Variants in MTA2 observed in about 807,000 individuals in gnomAD.
MTA2 encodes metastasis-associated protein MTA2.
MTA2 carries 22 observed loss-of-function variants against 87.1 expected under a neutral mutation model. The observed-to-expected ratio is 0.25, with a 90% confidence interval of 0.18 to 0.36. MTA2 has a LOEUF of 0.36. Among genes scored for constraint, MTA2 ranks in the 10% least tolerant of loss-of-function variants. The probability of loss-of-function intolerance (pLI) is 1.00; values close to 1 mark genes in which losing one functional copy is unlikely to be tolerated. For synonymous variants in MTA2, 314 were observed against 310.1 expected, an observed-to-expected ratio of 1.01 and a Z score of -0.13; for missense variants, 542 against 853.2, an observed-to-expected ratio of 0.64 and a Z score of 4.54.
At chr11:62,597,284 G>T in intron 8 of MTA2, 32 bp downstream of exon 8, 1 of 1,527,492 alleles carries the variant, frequency 6.5e-7, no homozygotes, top group African/African-American at 1.4e-5. Context: ...AGAAAACCCA[G>T]CCTGCCCAAC....
chr11:62,596,227 G>A (rs913427536), intron 11 of MTA2, 52 bp downstream of exon 11: 2 of 1,605,428 alleles, frequency 1.2e-6, no homozygotes, highest in Non-Finnish European at 1.7e-6. Context: ...GAAGGCACAA[G>A]TTAGGGGAAG....
In MTA2 at chr11:62,597,421, G is replaced by A. The variant is rs1400528411; in HGVS notation, c.594-6C>T. On this transcript the variant is annotated splice_region_variant and splice_polypyrimidine_tract_variant and intron_variant, in intron 7 of 17. Transcript: ENST00000278823. Reference sequence around the variant, plus strand: ...TTGCAAAGGTTCCCACAGCTCTAAGGGAGAAATTGAGAAGTCAAAAGCGAA... The same window carrying A: ...TTGCAAAGGTTCCCACAGCTCTAAGAGAGAAATTGAGAAGTCAAAAGCGAA... The A allele has an allele frequency of 6.2e-7, 1 of 1,606,566 alleles. No individual in the cohort carries two copies. Among genetic ancestry groups the A allele is most frequent in the East Asian group, 2.2e-5 (1 of 44,862 alleles).
intron 9 of MTA2, 39 bp from the exon 10 acceptor site, chr11:62,596,571 G>C (rs1362410875): frequency 1.9e-6 from 3 of 1,613,150 alleles, no homozygotes; most frequent in Admixed American, 1.7e-5. Context: ...GCTGGCATCT[G>C]GCCCCAGGTC....
chr11:62,594,170 T>C, intron 17 of MTA2, 89 bp downstream of exon 17: 1 of 1,575,594 alleles, frequency 6.3e-7, no homozygotes, highest in Non-Finnish European at 8.6e-7. Context: ...ATCCACAACT[T>C]TCCTGGAGCT....
chr11:62,599,852 A>G (rs528082935), intron 3 of MTA2, among the ~76,000 whole-genome samples: 21 of 152,232 alleles, frequency 1.4e-4, no homozygotes, highest in African/African-American at 4.8e-4. Flanking sequence ...GTCATCACCT[A>G]CTGTCTCAAT....
At chr11:62,601,259 G>C in intron 1 of MTA2, 164 bp downstream of exon 1, 1 of 888,650 alleles carries the variant, frequency 1.1e-6, no homozygotes, top group East Asian at 3.0e-5. Flanking sequence ...CCGCGTCGCG[G>C]TTCCCCGCAC....
Position 62,595,829 on chromosome 11 carries a change from A to G in MTA2, c.1177T>C (p.Ser393Pro). ...TACTTCTTCCAGTAGATCCAACAGG[A>G]AGCACAGAGGCGGCACTGCATGTTA... Reference protein sequence around the residue: ...PPNMQCRLCASCWIYWKKYGG... With the variant: ...PPNMQCRLCAPCWIYWKKYGG... The change falls in exon 13 of 18, where the codon TCC (serine) becomes CCC (proline). Residue 393 changes from serine to proline, a missense_variant. By Grantham distance (74) the Ser-to-Pro change is moderately conservative. Coordinates refer to ENST00000278823, the MANE Select transcript of MTA2 (RefSeq NM_004739.4). The surrounding 1 kb of genome is among the most constrained non-coding windows in gnomAD (Gnocchi z 4.9). 6.2e-7 allele frequency: 1 copy of G among 1,614,226 alleles called. No homozygotes were observed. The highest frequency in any genetic ancestry group is 8.5e-7 in the Non-Finnish European group (1 of 1,180,042).
rs749563057 is a variant in MTA2, at chr11:62,597,602, C to CCCCT, written c.593+4_593+7dup. 7.5e-5 allele frequency: 121 copies of CCCCT among 1,613,530 alleles called. 1 individual carries two copies. The South Asian group carries it at 1.2e-3, about 16-fold the overall frequency. On this transcript the variant is annotated splice_region_variant and intron_variant, in intron 7 of 17. Transcript: ENST00000278823. Reference sequence around the variant, plus strand: ...CCAGCCCATCTTCCCTATCCACCCACCCCTCACCGGGCCACCACAAGAAAC... The same window carrying CCCCT: ...CCAGCCCATCTTCCCTATCCACCCACCCCTCCCTCACCGGGCCACCACAAGAAAC...
rs113824488 is a variant in MTA2, at chr11:62,600,529, G to A, written c.96+93C>T. The A allele has an allele frequency of 1.5e-4, 175 of 1,171,932 alleles. No individual in the cohort carries two copies. The East Asian group carries it at 4.1e-3, about 28-fold the overall frequency. 72.6% of individuals were successfully genotyped at this position (1,171,932 alleles called of 1,614,324 possible). A position where few individuals can be genotyped will look rare whatever the true frequency, so the allele number is the denominator to read the frequency against. ...TGAATGAATGAACGAATATGAATGGGTACTTAGTATAGGATCCTCTCTTCC... is the reference window on the plus strand; with the variant it reads ...TGAATGAATGAACGAATATGAATGGATACTTAGTATAGGATCCTCTCTTCC... On this transcript the variant is annotated intron_variant, in intron 2 of 17. Coordinates refer to ENST00000278823, the MANE Select transcript of MTA2 (RefSeq NM_004739.4).
In MTA2 at chr11:62,595,035, A is replaced by G. The variant is rs749873867; in HGVS notation, c.1519T>C (p.Leu507=). The G allele has an allele frequency of 9.9e-6, 16 of 1,614,206 alleles. No individual in the cohort carries two copies. Among genetic ancestry groups the G allele is most frequent in the South Asian group, 3.3e-5 (3 of 91,082 alleles). The change falls in exon 15 of 18, where the codon TTG becomes CTG. Residue 507 remains leucine, a synonymous_variant. Coordinates refer to ENST00000278823, the MANE Select transcript of MTA2 (RefSeq NM_004739.4). This position sits in a 1 kb window ranked among gnomAD's most constrained non-coding sequence, Gnocchi z 4.9. The part of the protein sequence containing the change: ...IRLPKAAKTP[L]KIHPLVRLPL... ...AGCCGCACCAGAGGGTGAATCTTCA[A>G]TGGAGTCTTGGCGGCCTTAGGAAGT...
rs925979744 is a variant in MTA2, at chr11:62,601,634, G to A, written c.-184C>T. On this transcript the variant is annotated 5_prime_UTR_variant, in exon 1 of 18. Coordinates refer to ENST00000278823, the MANE Select transcript of MTA2 (RefSeq NM_004739.4). ...GTTCATCCCGGCCCGCGCTGTCGCC[G>A]CCGCAGCTATCGCCTCACTCCCGGG... The A allele has an allele frequency of 2.9e-5, 18 of 623,762 alleles. No individual in the cohort carries two copies. The highest frequency in any genetic ancestry group is 4.4e-5 in the Non-Finnish European group (17 of 382,164). 38.6% of individuals were successfully genotyped at this position (623,762 alleles called of 1,614,324 possible).
intron 5 of MTA2, 47 bp from the exon 6 acceptor site, chr11:62,598,188 G>A (rs967251430): frequency 1.3e-6 from 2 of 1,593,884 alleles, no homozygotes; most frequent in African/African-American, 2.7e-5. Flanking sequence ...ATCCACATAG[G>A]CGGCGGGGAG....
chr11:62,594,078 A>G (rs917829378), intron 17 of MTA2, 38 bp from the exon 18 acceptor site: 1 of 1,564,696 alleles, frequency 6.4e-7, no homozygotes, highest in East Asian at 2.2e-5. Flanking sequence ...GAAAAGGCTT[A>G]GAGAACATTA....
At position 62,601,716 on chromosome 11, in the gene MTA2, C is replaced by T. The variant is rs1480395038; in HGVS notation, c.-266G>A. 3.8e-6 allele frequency: 2 copies of T among 522,160 alleles called. No individual in the cohort carries two copies. Among genetic ancestry groups the T allele is most frequent in the Middle Eastern group, 4.8e-4 (1 of 2,080 alleles). 32.3% of individuals were successfully genotyped at this position (522,160 alleles called of 1,614,324 possible). ...CTTCCGGAACGAGCTCGGCTCCTGCCAGGCCAGAGCCAGGCTCCAGCTACC... is the reference window on the plus strand; with the variant it reads ...CTTCCGGAACGAGCTCGGCTCCTGCTAGGCCAGAGCCAGGCTCCAGCTACC... On this transcript the variant is annotated 5_prime_UTR_variant, in exon 1 of 18. Coordinates refer to ENST00000278823, the MANE Select transcript of MTA2 (RefSeq NM_004739.4).
In MTA2 at chr11:62,593,623, C is replaced by T. The variant is rs1027161422; in HGVS notation, c.*252G>A. On this transcript the variant is annotated 3_prime_UTR_variant, in exon 18 of 18. Coordinates refer to ENST00000278823, the MANE Select transcript of MTA2 (RefSeq NM_004739.4). ...CTGTCCAAGACATCTGTGGGTCCTA[C>T]CCCCCAAAACAGGCTAGGTTCCCAC... 2.2e-6 allele frequency: 1 copy of T among 457,012 alleles called. No homozygotes were observed. Among genetic ancestry groups the T allele is most frequent in the Non-Finnish European group, 3.9e-6 (1 of 255,460 alleles). The allele number at this position is 457,012 out of a possible 1,614,324, so 28.3% of individuals were successfully genotyped here.
chr11:62,596,618 C>T lies in MTA2; in HGVS notation c.882+19G>A. The T allele has an allele frequency of 6.2e-7, 1 of 1,611,724 alleles. No individual in the cohort carries two copies. The highest frequency in any genetic ancestry group is 8.5e-7 in the Non-Finnish European group (1 of 1,178,562). On this transcript the variant is annotated intron_variant, in intron 9 of 17. Transcript: ENST00000278823. ...ACCTGTCATCTCTCCCACTTCTCCT[C>T]CTAGTGCCATCCACTTACAAAATCC...
chr11:62,600,429 C>T (rs949494739), intron 2 of MTA2, 170 bp from the exon 3 acceptor site: 7 of 808,478 alleles, frequency 8.7e-6, no homozygotes, highest in Admixed American at 5.6e-5. Flanking sequence ...TTCCAAATCC[C>T]TTTCCTTTGC....
At chr11:62,600,284 C>G in intron 2 of MTA2, 25 bp from the exon 3 acceptor site, 1 of 1,595,218 alleles carries the variant, frequency 6.3e-7, no homozygotes, top group Non-Finnish European at 8.6e-7. Context: ...AAAACAAAAA[C>G]AAAACAACGT....
Position 62,598,576 on chromosome 11 carries a change from T to G in MTA2, c.254A>C (p.His85Pro). ...VSEQQRHQLKHRELFLSRQFE... is the reference protein window; with the variant it reads ...VSEQQRHQLKPRELFLSRQFE... The stretch of plus-strand genomic sequence containing the variant: ...TTGCCGAGAAAGAAAAAGTTCCCGG[T>G]GCTTCAGTTGATGGCGCTGCTGCTC... Residue 85 changes from histidine to proline, a missense_variant, in exon 4 of 18, where the codon CAC becomes CCC. By Grantham distance (77) the His-to-Pro change is moderately conservative. Transcript: ENST00000278823. 2 of 1,614,158 alleles carry G rather than the reference T, an allele frequency of 1.2e-6. No homozygotes were observed. The highest frequency in any genetic ancestry group is 1.7e-6 in the Non-Finnish European group (2 of 1,180,040).
Sources: gnomAD v4.1 joint callset for allele counts (sites outside exome capture counted in the v4.1 genomes callset) on GRCh38, gnomAD v4.1.1 for gene constraint, Gnocchi (gnomAD v3.1) non-coding constraint, MANE v1.5 for transcripts, NCBI Gene and HGNC (gene_info 2026-07-23, HGNC 2026-07-21) for gene names.